Variants in KCTD8 observed in about 807,000 individuals in gnomAD.
The protein encoded by KCTD8 is potassium channel tetramerization domain containing 8.
Under a neutral mutation model 31.5 loss-of-function variants are expected in KCTD8, and 27 were observed. That is an observed-to-expected ratio of 0.86 (90% CI 0.63 to 1.18). KCTD8 has a LOEUF of 1.18. Ranked by LOEUF, KCTD8 falls within the 50% of genes most tolerant of loss-of-function variation. KCTD8 has a pLI of 0.00. For missense variants in KCTD8, 658 were observed against 647.7 expected, an observed-to-expected ratio of 1.02 and a Z score of -0.17; for synonymous variants, 290 against 280.0, an observed-to-expected ratio of 1.04 and a Z score of -0.36.
At chr4:44,252,847 C>G (rs940504252) in intron 1 of KCTD8, among the ~76,000 whole-genome samples, 1 of 151,638 alleles carries the variant, frequency 6.6e-6, no homozygotes, top group Non-Finnish European at 1.5e-5. Context: ...ATCAGTCTCA[C>G]AAATTGAAAA....
chr4:44,338,233 T>A (rs1236021784), intron 1 of KCTD8, among the ~76,000 whole-genome samples: 1 of 152,282 alleles, frequency 6.6e-6, no homozygotes, highest in South Asian at 2.1e-4. Flanking sequence ...ATAATGGAAA[T>A]ACATCATTTT....
intron 1 of KCTD8, among the ~76,000 whole-genome samples, chr4:44,381,829 G>A (rs993992771): frequency 1.1e-4 from 16 of 151,998 alleles, no homozygotes; most frequent in Admixed American, 2.0e-4. Context: ...ACCATGATTG[G>A]AAGCTTCCTG....
chr4:44,317,250 T>TTTTTTTTTTTTTTTTTTTTTTTTTTTGG (rs1718160010), intron 1 of KCTD8, among the ~76,000 whole-genome samples: 1 of 89,488 alleles, frequency 1.1e-5, no homozygotes. Flanking sequence ...TTTTTTTTTT[T>TTTTTTTTTTTTTTTTTTTTTTTTTTTGG]GAGACGGAGT....
rs570227335 is a variant in KCTD8 at position 44,261,908 on chromosome 4, T to C, written c.962-86658A>G. ...AATCACATTGTACATCTTGAATATA[T>C]ATAATTTTTAGTTGTCAATTAAAAA... On this transcript the variant is annotated intron_variant, in intron 1 of 1. Transcript: ENST00000360029. 2.0e-5 allele frequency among the ~76,000 whole-genome samples: 3 copies of C among 152,190 alleles called. No homozygotes were observed. In the South Asian group the frequency reaches 6.2e-4, roughly 32 times the overall value.
chr4:44,228,994 T>C (rs1204188450), intron 1 of KCTD8, among the ~76,000 whole-genome samples: 2 of 152,204 alleles, frequency 1.3e-5, no homozygotes, highest in African/African-American at 4.8e-5. Context: ...ACTTCCTCAG[T>C]TTAAATCCCT....
intron 1 of KCTD8, among the ~76,000 whole-genome samples, chr4:44,326,427 A>C (rs1399141701): frequency 6.6e-6 from 1 of 151,796 alleles, no homozygotes; most frequent in Non-Finnish European, 1.5e-5. Context: ...ATTTAATGAA[A>C]GGGAATAATT....
intron 1 of KCTD8, among the ~76,000 whole-genome samples, chr4:44,436,432 GAAAA>G (rs375428904): frequency 2.6e-5 from 4 of 151,534 alleles, no homozygotes; most frequent in African/African-American, 9.7e-5. Context: ...TATATTAACA[GAAAA>G]AAAGACATAA....
At chr4:44,191,023 G>A (rs1713749113) in intron 1 of KCTD8, among the ~76,000 whole-genome samples, 1 of 152,144 alleles carries the variant, frequency 6.6e-6, no homozygotes, top group Non-Finnish European at 1.5e-5. Flanking sequence ...TGGGAAGTCA[G>A]GGACCCTGAA....
At chr4:44,446,514 G>A (rs1224296517) in intron 1 of KCTD8, among the ~76,000 whole-genome samples, 1 of 151,876 alleles carries the variant, frequency 6.6e-6, no homozygotes, top group East Asian at 1.9e-4. Flanking sequence ...TGAGAATTGT[G>A]CCCACCACAG....
chr4:44,383,040 A>G (rs1393157704), intron 1 of KCTD8, among the ~76,000 whole-genome samples: 1 of 151,984 alleles, frequency 6.6e-6, no homozygotes, highest in African/African-American at 2.4e-5. Flanking sequence ...AAAACAAGAA[A>G]GCAATCCATT....
chr4:44,213,139 T>C (rs761543283), intron 1 of KCTD8, among the ~76,000 whole-genome samples: 43 of 152,104 alleles, frequency 2.8e-4, no homozygotes, highest in Non-Finnish European at 4.7e-4. Flanking sequence ...GGTTTCACCA[T>C]CTTAGCCAGG....
intron 1 of KCTD8, among the ~76,000 whole-genome samples, chr4:44,205,012 T>C (rs565743998): frequency 1.3e-4 from 20 of 152,226 alleles, no homozygotes; most frequent in African/African-American, 4.8e-4. Context: ...TAGTGGACTT[T>C]ATTGATGAAT....
chr4:44,305,460 C>T (rs958447514), intron 1 of KCTD8, among the ~76,000 whole-genome samples: 1 of 151,390 alleles, frequency 6.6e-6, no homozygotes, highest in African/African-American at 2.4e-5. Flanking sequence ...ATTTTAAAAG[C>T]AAAGATAAAG....
intron 1 of KCTD8, among the ~76,000 whole-genome samples, chr4:44,370,123 T>C (rs998883808): frequency 6.6e-6 from 1 of 152,206 alleles, no homozygotes; most frequent in East Asian, 1.9e-4. Context: ...CAAGGAAATA[T>C]TCTTTTTATG....
At chr4:44,333,057 T>G (rs1427790936) in intron 1 of KCTD8, among the ~76,000 whole-genome samples, 2 of 152,086 alleles carry the variant, frequency 1.3e-5, no homozygotes, top group African/African-American at 4.8e-5. Context: ...GCCATAATGA[T>G]TGTAGAGTCT....
At chr4:44,324,055 A>C (rs1429742601) in intron 1 of KCTD8, among the ~76,000 whole-genome samples, 1 of 134,982 alleles carries the variant, frequency 7.4e-6, no homozygotes, top group Non-Finnish European at 1.6e-5. Flanking sequence ...AAAAAAAAAA[A>C]AACAAAACAA....
intron 1 of KCTD8, among the ~76,000 whole-genome samples, chr4:44,312,565 T>C (rs1717986832): frequency 1.3e-5 from 2 of 152,132 alleles, no homozygotes; most frequent in South Asian, 4.1e-4. Context: ...CTAACTTCTG[T>C]ATACACACTG....
chr4:44,199,960 C>T (rs888445092), intron 1 of KCTD8, among the ~76,000 whole-genome samples: 1 of 151,558 alleles, frequency 6.6e-6, no homozygotes. Context: ...AATCAGAAAT[C>T]ATGAAGATGA....
intron 1 of KCTD8, among the ~76,000 whole-genome samples, chr4:44,192,544 G>T: frequency 6.6e-6 from 1 of 151,038 alleles, no homozygotes; most frequent in African/African-American, 2.4e-5. Flanking sequence ...TGCAAGTGTG[G>T]TTAAACATAG....
Sources: allele counts gnomAD v4.1 joint callset (sites outside exome capture counted in the v4.1 genomes callset), GRCh38; gene constraint gnomAD v4.1.1; transcripts MANE v1.5; gene names NCBI Gene and HGNC (gene_info 2026-07-23, HGNC 2026-07-21).